RPS6KA5: variants seen among roughly 807,000 people sequenced by gnomAD.
RPS6KA5 encodes the protein ribosomal protein S6 kinase A5.
RPS6KA5 carries 27 observed loss-of-function variants against 85.5 expected under a neutral mutation model. The observed-to-expected ratio is 0.32, with a 90% CI of 0.23 to 0.44. RPS6KA5 has a LOEUF of 0.44. Among genes scored for constraint, RPS6KA5 ranks in the 20% least tolerant of loss-of-function variants. The probability of loss-of-function intolerance (pLI) is 1.00; values close to 1 mark genes in which losing one functional copy is unlikely to be tolerated. For missense variants in RPS6KA5, 811 were observed against 980.9 expected, an observed-to-expected ratio of 0.83 and a Z score of 2.31; for synonymous variants, 334 against 348.2, an observed-to-expected ratio of 0.96 and a Z score of 0.46.
chr14:91,059,340 GAA>G (rs542313515), intron 1 of RPS6KA5, among the ~76,000 whole-genome samples: 5 of 127,570 alleles, frequency 3.9e-5, no homozygotes, highest in Non-Finnish European at 5.0e-5. Context: ...AACTCTGTCT[GAA>G]AAAAAAAAAA....
At chr14:91,052,652 G>A (rs1002315382) in intron 1 of RPS6KA5, among the ~76,000 whole-genome samples, 12 of 147,726 alleles carry the variant, frequency 8.1e-5, no homozygotes, top group East Asian at 2.0e-4. Flanking sequence ...ATGAAACCCC[G>A]TCTCTACTAA....
At chr14:90,961,506 T>G (rs1048612580) in intron 3 of RPS6KA5, among the ~76,000 whole-genome samples, 3 of 152,222 alleles carry the variant, frequency 2.0e-5, no homozygotes, top group African/African-American at 7.2e-5. Flanking sequence ...GATCAACTAT[T>G]CTTTGGAAGA....
intron 14 of RPS6KA5, among the ~76,000 whole-genome samples, chr14:90,883,781 T>C (rs980518712): frequency 6.6e-6 from 1 of 152,182 alleles, no homozygotes; most frequent in Non-Finnish European, 1.5e-5. Flanking sequence ...TAGGGTTTGC[T>C]TTTTTTGTGT....
At chr14:90,961,330 G>C (rs2038785114) in intron 3 of RPS6KA5, among the ~76,000 whole-genome samples, 1 of 152,134 alleles carries the variant, frequency 6.6e-6, no homozygotes, top group African/African-American at 2.4e-5. Context: ...TCTTATGAAG[G>C]GGGAGAGTAA....
At chr14:91,013,162 C>G (rs915896413) in intron 1 of RPS6KA5, among the ~76,000 whole-genome samples, 19 of 152,162 alleles carry the variant, frequency 1.2e-4, no homozygotes, top group African/African-American at 4.6e-4. Context: ...TTCTCTTTCC[C>G]TATTTCATAG....
chr14:90,995,366 A>T (rs145980322), intron 2 of RPS6KA5, among the ~76,000 whole-genome samples: 56 of 152,258 alleles, frequency 3.7e-4, no homozygotes, highest in African/African-American at 1.3e-3. Context: ...TAAGGTTATG[A>T]CTCACGGAAG....
chr14:91,033,526 C>A lies in RPS6KA5; in HGVS notation c.103+26806G>T, dbSNP rs1324613404. ...CTGAGGCAGGAGAATCACTTGAAAC[C>A]GGGAGGCAGAGTTTGCAATGAGCCG... On this transcript the variant is annotated intron_variant, in intron 1 of 16. Transcript: ENST00000614987. 3.3e-5 allele frequency among the ~76,000 whole-genome samples: 5 copies of A among 151,828 alleles called. No homozygotes were observed. The East Asian group carries it at 9.7e-4, about 30-fold the overall frequency.
chr14:90,912,179 C>T (rs2140265879), intron 7 of RPS6KA5, among the ~76,000 whole-genome samples: 1 of 152,314 alleles, frequency 6.6e-6, no homozygotes, highest in African/African-American at 2.4e-5. Flanking sequence ...TCCATATCCT[C>T]CCAAATGCTA....
At chr14:90,979,187 GC>G (rs1405373683) in intron 2 of RPS6KA5, among the ~76,000 whole-genome samples, 2 of 152,218 alleles carry the variant, frequency 1.3e-5, no homozygotes, top group African/African-American at 4.8e-5. Context: ...TACGTGTGGT[GC>G]CCCTCCTCCA....
chr14:90,947,829 T>C (rs886998777), intron 3 of RPS6KA5, among the ~76,000 whole-genome samples: 2 of 152,246 alleles, frequency 1.3e-5, no homozygotes, highest in Non-Finnish European at 2.9e-5. Context: ...TTTTCTCAAA[T>C]ACAGCATATC....
chr14:90,913,327 G>C (rs993041075), intron 7 of RPS6KA5, among the ~76,000 whole-genome samples: 1 of 152,088 alleles, frequency 6.6e-6, no homozygotes, highest in Non-Finnish European at 1.5e-5. Flanking sequence ...GGGACTGAAG[G>C]AAAAAACTTG....
intron 5 of RPS6KA5, among the ~76,000 whole-genome samples, chr14:90,942,067 A>T (rs1293440116): frequency 5.3e-5 from 8 of 152,214 alleles, no homozygotes; most frequent in Non-Finnish European, 7.4e-5. Flanking sequence ...TTTTCACTTC[A>T]TTTATTATTG....
rs373348904 is a variant in RPS6KA5, at chr14:90,902,811, A to G, written c.1116T>C (p.Phe372=). 6.8e-6 allele frequency: 11 copies of G among 1,613,550 alleles called. No homozygotes were observed. The highest frequency in any genetic ancestry group is 9.3e-6 in the Non-Finnish European group (11 of 1,179,768). The change falls in exon 9 of 17, where the codon TTT becomes TTC. Residue 372 remains phenylalanine, a synonymous_variant. Transcript: ENST00000614987. ...TGTGCACAGGATGGGAAATTACCTGAAACAGCTTCTCAGAACTCTGGGGCA... is the reference window on the plus strand; with the variant it reads ...TGTGCACAGGATGGGAAATTACCTGGAACAGCTTCTCAGAACTCTGGGGCA... The part of the protein sequence containing the change: ...AALPQSSEKL[F]QGYSFVAPSI...
chr14:91,037,103 G>C (rs1362240528), intron 1 of RPS6KA5, among the ~76,000 whole-genome samples: 1 of 152,198 alleles, frequency 6.6e-6, no homozygotes, highest in Non-Finnish European at 1.5e-5. Flanking sequence ...AATGGGGACA[G>C]GAAAGAACTT....
At chr14:90,968,093 T>C (rs1176454838) in intron 3 of RPS6KA5, among the ~76,000 whole-genome samples, 1 of 152,204 alleles carries the variant, frequency 6.6e-6, no homozygotes, top group Admixed American at 6.5e-5. Context: ...AATCAAGGTG[T>C]CAGCAGGACT....
At chr14:90,976,048 T>A (rs564713037) in intron 3 of RPS6KA5, among the ~76,000 whole-genome samples, 1 of 152,018 alleles carries the variant, frequency 6.6e-6, no homozygotes, top group East Asian at 1.9e-4. Flanking sequence ...GGAGAGCCAA[T>A]AACGAAAAAG....
chr14:91,051,417 A>C (rs1440623786), intron 1 of RPS6KA5, among the ~76,000 whole-genome samples: 1 of 152,174 alleles, frequency 6.6e-6, no homozygotes. Context: ...TGTCTCAATA[A>C]AATGAAATTT....
intron 1 of RPS6KA5, among the ~76,000 whole-genome samples, chr14:91,019,640 G>GT (rs60543145): frequency 0.04 from 6,120 of 152,032 alleles, 195 homozygotes; most frequent in East Asian, 0.16. Flanking sequence ...TCTATTTACA[G>GT]TTTTTTTTAC....
chr14:90,912,119 C>T (rs1171433752), intron 7 of RPS6KA5, among the ~76,000 whole-genome samples: 1 of 152,190 alleles, frequency 6.6e-6, no homozygotes, highest in Middle Eastern at 3.2e-3. Context: ...CCTAAAAGCA[C>T]TCAGACATTT....
Sources: allele counts gnomAD v4.1 joint callset (sites outside exome capture counted in the v4.1 genomes callset), GRCh38; gene constraint gnomAD v4.1.1; transcripts MANE v1.5; gene names NCBI Gene and HGNC (gene_info 2026-07-23, HGNC 2026-07-21).